KCNAB1: variants seen among roughly 807,000 people sequenced by gnomAD.
The protein encoded by KCNAB1 is potassium voltage-gated channel subfamily A regulatory beta subunit 1.
A neutral mutation model predicts 64.6 loss-of-function variants in KCNAB1; 35 were observed. That is an observed-to-expected ratio of 0.54 (90% CI 0.41 to 0.72). KCNAB1 has a LOEUF of 0.72. KCNAB1 is among the 30% of genes least tolerant of loss of function. The pLI is 0.00. For missense variants in KCNAB1, 401 were observed against 512.9 expected (o/e 0.78, Z 2.11); for synonymous variants, 177 against 183.8 (o/e 0.96, Z 0.30).
intron 1 of KCNAB1, among the ~76,000 whole-genome samples, chr3:156,187,130 AT>A (rs750210704): frequency 7.9e-5 from 12 of 152,322 alleles, no homozygotes; most frequent in Non-Finnish European, 1.6e-4. Flanking sequence ...TTGGGATTAC[AT>A]GCATGAGCCA....
At chr3:156,497,187 A>C (rs769746566) in intron 8 of KCNAB1, among the ~76,000 whole-genome samples, 3 of 152,220 alleles carry the variant, frequency 2.0e-5, no homozygotes, top group Non-Finnish European at 2.9e-5. Flanking sequence ...CCACAGAGCT[A>C]AAATGCATTT....
intron 1 of KCNAB1, among the ~76,000 whole-genome samples, chr3:156,155,042 A>G (rs942288194): frequency 1.3e-5 from 2 of 152,244 alleles, no homozygotes; most frequent in African/African-American, 2.4e-5. Flanking sequence ...AATCCAAAAC[A>G]TATTCTTATA....
chr3:156,332,577 A>G (rs1384109941), intron 1 of KCNAB1, among the ~76,000 whole-genome samples: 11 of 152,148 alleles, frequency 7.2e-5, no homozygotes, highest in Admixed American at 7.2e-4. Flanking sequence ...GACATCTGCT[A>G]TAAGGAATGT....
At chr3:156,313,890 G>A (rs764372076) in intron 1 of KCNAB1, among the ~76,000 whole-genome samples, 2 of 152,214 alleles carry the variant, frequency 1.3e-5, no homozygotes, top group Non-Finnish European at 2.9e-5. Flanking sequence ...AGAGTGTGGC[G>A]TGAAATTCCT....
intron 1 of KCNAB1, among the ~76,000 whole-genome samples, chr3:156,167,316 AAGG>A (rs1420991115): frequency 2.6e-5 from 4 of 152,130 alleles, no homozygotes; most frequent in African/African-American, 9.7e-5. Context: ...GGGAATGGAA[AAGG>A]AGGAGATTCC....
At chr3:156,252,548 T>G (rs573116367) in intron 1 of KCNAB1, among the ~76,000 whole-genome samples, 1 of 152,244 alleles carries the variant, frequency 6.6e-6, no homozygotes, top group Non-Finnish European at 1.5e-5. Flanking sequence ...ATGCAATATA[T>G]TTTATCTTCC....
intron 1 of KCNAB1, among the ~76,000 whole-genome samples, chr3:156,278,265 C>A (rs1419855039): frequency 1.3e-5 from 2 of 152,144 alleles, no homozygotes; most frequent in Non-Finnish European, 2.9e-5. Flanking sequence ...TAACTTATTT[C>A]TTGAAAGACC....
chr3:156,448,045 C>T (rs999462678), intron 2 of KCNAB1, among the ~76,000 whole-genome samples: 1 of 152,114 alleles, frequency 6.6e-6, no homozygotes, highest in African/African-American at 2.4e-5. Flanking sequence ...TTCTTTTTAC[C>T]TTTCATCCAT....
chr3:156,387,014 C>CTCTCTTTTTTTTTTTTTT (rs60888308), intron 1 of KCNAB1, among the ~76,000 whole-genome samples: 10 of 90,522 alleles, frequency 1.1e-4, no homozygotes, highest in African/African-American at 4.9e-4. Context: ...TTCTCTCTCT[C>CTCTCTTTTTTTTTTTTTT]TTTTTTTTTT....
chr3:156,506,137 G>A (rs914452113), intron 8 of KCNAB1, among the ~76,000 whole-genome samples: 2 of 152,264 alleles, frequency 1.3e-5, no homozygotes, highest in Admixed American at 6.5e-5. Context: ...TGTTGTTATC[G>A]TATAGAAATG....
chr3:156,148,200 A>G (rs1425558059), intron 1 of KCNAB1, among the ~76,000 whole-genome samples: 3 of 152,026 alleles, frequency 2.0e-5, no homozygotes, highest in Non-Finnish European at 4.4e-5. Flanking sequence ...GGTAACTCCA[A>G]CCCACAGGGT....
chr3:156,250,286 C>G (rs566276855), intron 1 of KCNAB1, among the ~76,000 whole-genome samples: 7 of 152,214 alleles, frequency 4.6e-5, no homozygotes, highest in Non-Finnish European at 8.8e-5. Flanking sequence ...GAGGGCAAGT[C>G]CAGAGGGCTT....
chr3:156,305,796 C>T (rs1721455807), intron 1 of KCNAB1, among the ~76,000 whole-genome samples: 1 of 152,224 alleles, frequency 6.6e-6, no homozygotes, highest in South Asian at 2.1e-4. Flanking sequence ...ACTATTTAGA[C>T]ACTAAAGAGC....
intron 1 of KCNAB1, among the ~76,000 whole-genome samples, chr3:156,182,340 G>T (rs547527191): frequency 2.0e-5 from 3 of 152,236 alleles, no homozygotes; most frequent in East Asian, 3.9e-4. Flanking sequence ...TCATAAAAAG[G>T]CTCATGAAAA....
In KCNAB1 at chr3:156,221,634, C is replaced by T. The variant is rs192916976; in HGVS notation, c.275+100748C>T. On this transcript the variant is annotated intron_variant, in intron 1 of 13. Coordinates refer to ENST00000490337, the MANE Select transcript of KCNAB1 (RefSeq NM_172160.3). The stretch of plus-strand genomic sequence containing the variant: ...CTGTACTAAAAATACAAAAATTAGC[C>T]GGACATGGTGGTGGGCGCCTGTAAT... Among the ~76,000 whole-genome samples, 483 of 151,976 alleles carry T rather than the reference C, an allele frequency of 3.2e-3. 2 individuals carry two copies. The highest frequency in any genetic ancestry group is 7.1e-3 in the African/African-American group (293 of 41,402).
intron 1 of KCNAB1, among the ~76,000 whole-genome samples, chr3:156,300,913 T>C (rs1308682661): frequency 1.3e-5 from 2 of 152,226 alleles, no homozygotes; most frequent in Non-Finnish European, 2.9e-5. Flanking sequence ...TTCTTATAGA[T>C]AATTTATTTT....
At chr3:156,490,153 T>C (rs934929425) in intron 8 of KCNAB1, among the ~76,000 whole-genome samples, 2 of 152,034 alleles carry the variant, frequency 1.3e-5, no homozygotes, top group Admixed American at 1.3e-4. Flanking sequence ...CTCTCACCCA[T>C]GTCCAGGTCA....
chr3:156,465,886 C>T (rs940637122), intron 7 of KCNAB1, among the ~76,000 whole-genome samples, 200 bp downstream of exon 7: 1 of 152,008 alleles, frequency 6.6e-6, no homozygotes, highest in African/African-American at 2.4e-5. Flanking sequence ...AAGGAAAAGG[C>T]AAAATTGTAT....
intron 8 of KCNAB1, among the ~76,000 whole-genome samples, chr3:156,479,847 C>A (rs13093806): frequency 0.27 from 40,546 of 151,892 alleles, 6,054 homozygotes; most frequent in South Asian, 0.35. Flanking sequence ...GAAGCAAGAC[C>A]AAAGTTAGCT....
Sources: allele counts gnomAD v4.1 joint callset (sites outside exome capture counted in the v4.1 genomes callset), GRCh38; gene constraint gnomAD v4.1.1; transcripts MANE v1.5; gene names NCBI Gene and HGNC (gene_info 2026-07-23, HGNC 2026-07-21).